The following HS3ST5 variants were observed in gnomAD, a reference collection of about 807,000 sequenced individuals.
The protein encoded by HS3ST5 is heparan sulfate-glucosamine 3-sulfotransferase 5, also known as heparan sulfate glucosamine 3-O-sulfotransferase 5.
Under a neutral mutation model 25.4 loss-of-function variants are expected in HS3ST5, and 10 were observed. The observed-to-expected ratio is 0.39, with a 90% CI of 0.24 to 0.67. The LOEUF is 0.67. Ranked by LOEUF, HS3ST5 falls within the 30% of genes least tolerant of loss-of-function variation. The probability of loss-of-function intolerance (pLI) is 0.44; values close to 1 mark genes in which losing one functional copy is unlikely to be tolerated. For missense variants in HS3ST5, 324 were observed against 420.7 expected (o/e 0.77, Z 2.01); for synonymous variants, 170 against 162.4 (o/e 1.05, Z -0.36).
At chr6:114,250,609 A>C (rs996494214) in intron 1 of HS3ST5, among the ~76,000 whole-genome samples, 3 of 152,178 alleles carry the variant, frequency 2.0e-5, no homozygotes, top group African/African-American at 7.2e-5. Context: ...TTATCAGAGA[A>C]AGTGAAGAAT....
rs1032486929 is a variant in HS3ST5 at position 114,056,684 on chromosome 6, A to G, written c.*573T>C. ...TGATTGACATGCTACAAGTGACACC[A>G]TGGTCCATACGAGAAAACAATAGTG... On this transcript the variant is annotated 3_prime_UTR_variant, in exon 5 of 5. Transcript: ENST00000312719. The G allele has an allele frequency of 6.6e-6, 1 of 152,486 alleles. No individual in the cohort carries two copies. Among genetic ancestry groups the G allele is most frequent in the African/African-American group, 2.4e-5 (1 of 41,460 alleles). The allele number at this position is 152,486 out of a possible 1,614,324, so 9.4% of individuals were successfully genotyped here.
Position 114,057,700 on chromosome 6 carries a change from T to G in HS3ST5, c.598A>C (p.Lys200Gln). 1.9e-6 allele frequency: 3 copies of G among 1,614,134 alleles called. No homozygotes were observed. Among genetic ancestry groups the G allele is most frequent in the Non-Finnish European group, 2.5e-6 (3 of 1,180,012 alleles). The change falls in exon 5 of 5, where the codon AAG becomes CAG. Residue 200 changes from lysine to glutamine, a missense_variant. Lys to Gln is a moderately conservative substitution (Grantham distance 53, BLOSUM62 1). Around this residue, in one of 2 missense-constraint regions of HS3ST5, gnomAD observed 203 missense variants for 303.4 expected, o/e 0.67. Transcript: ENST00000312719. ...TAATAAGTTTTGTTCTTCCTCTCCT[T>G]CCCCTCTAGCACCTGAGTATAATCA... Reference protein sequence around the residue: ...ISDYTQVLEGKERKNKTYYKF... With the variant: ...ISDYTQVLEGQERKNKTYYKF...
chr6:114,240,630 T>C (rs1295804495), intron 1 of HS3ST5, among the ~76,000 whole-genome samples: 5 of 152,186 alleles, frequency 3.3e-5, no homozygotes, highest in Non-Finnish European at 7.3e-5. Flanking sequence ...TAATTTAAAG[T>C]GTAAAAAAGC....
intron 2 of HS3ST5, among the ~76,000 whole-genome samples, chr6:114,191,934 T>G (rs2114306157): frequency 6.6e-6 from 1 of 152,202 alleles, no homozygotes; most frequent in Non-Finnish European, 1.5e-5. Context: ...CAAAGGTTGT[T>G]ACCTTGAATT....
intron 1 of HS3ST5, among the ~76,000 whole-genome samples, chr6:114,315,610 G>C (rs554390844): frequency 1.1e-4 from 16 of 152,270 alleles, no homozygotes; most frequent in Middle Eastern, 3.4e-3. Flanking sequence ...ACTGACTGAT[G>C]TTTTGTGACT....
At chr6:114,341,163 G>A (rs1562281287) in intron 1 of HS3ST5, among the ~76,000 whole-genome samples, 2 of 129,082 alleles carry the variant, frequency 1.5e-5, no homozygotes, top group African/African-American at 6.1e-5. Context: ...GGGAGAGAGG[G>A]GAGGGAGGGA....
intron 2 of HS3ST5, chr6:114,220,914 G>A (rs916981457): frequency 6.6e-6 from 1 of 151,840 alleles, no homozygotes; most frequent in Non-Finnish European, 1.5e-5. Flanking sequence ...GCAAAGATAT[G>A]GTCAATTCTC....
Position 114,134,383 on chromosome 6 carries a change from C to T in HS3ST5, c.-33+33968G>A, listed in dbSNP as rs140972438. ...CAAGGTCTGACCCAAGGTTCTAACA[C>T]TTAGCCATCTATTTTCCTCTCCTCT... On this transcript the variant is annotated intron_variant, in intron 3 of 4. Transcript: ENST00000312719. Among the ~76,000 whole-genome samples the T allele has an allele frequency of 8.1e-4, 123 of 152,300 alleles. 1 individual carries two copies. The highest frequency in any genetic ancestry group is 2.9e-3 in the African/African-American group (122 of 41,570).
chr6:114,255,220 C>A (rs770687592), intron 1 of HS3ST5, among the ~76,000 whole-genome samples: 41 of 152,196 alleles, frequency 2.7e-4, no homozygotes, highest in Non-Finnish European at 4.3e-4. Context: ...TCCAATAGGG[C>A]AGTCAAATCT....
chr6:114,225,978 C>T (rs1771256557), intron 2 of HS3ST5, among the ~76,000 whole-genome samples: 1 of 151,834 alleles, frequency 6.6e-6, no homozygotes, highest in African/African-American at 2.4e-5. Flanking sequence ...CCTAAAAACC[C>T]ATTAACAAAT....
chr6:114,106,553 G>T (rs1400677058), intron 3 of HS3ST5, among the ~76,000 whole-genome samples: 1 of 152,012 alleles, frequency 6.6e-6, no homozygotes, highest in Non-Finnish European at 1.5e-5. Context: ...CAACTTTTAT[G>T]CAGTACATGA....
intron 3 of HS3ST5, among the ~76,000 whole-genome samples, chr6:114,133,315 G>A (rs1333599946): frequency 1.3e-5 from 2 of 152,218 alleles, no homozygotes; most frequent in Non-Finnish European, 2.9e-5. Flanking sequence ...GAACCTGAGA[G>A]TTTCTCTAGC....
intron 3 of HS3ST5, among the ~76,000 whole-genome samples, chr6:114,164,213 A>G (rs1264853094): frequency 6.6e-6 from 1 of 152,180 alleles, no homozygotes; most frequent in Non-Finnish European, 1.5e-5. Flanking sequence ...CCTATAAATA[A>G]TATTTGTATA....
At chr6:114,146,979 GAGC>G (rs1778200378) in intron 3 of HS3ST5, among the ~76,000 whole-genome samples, 1 of 152,174 alleles carries the variant, frequency 6.6e-6, no homozygotes, top group Non-Finnish European at 1.5e-5. Flanking sequence ...TGAATACACT[GAGC>G]AGCAGGCTTT....
chr6:114,258,707 A>G (rs147144865), intron 1 of HS3ST5, among the ~76,000 whole-genome samples: 2 of 152,116 alleles, frequency 1.3e-5, no homozygotes, highest in African/African-American at 4.8e-5. Context: ...TTTTCTCCCA[A>G]TTTAAAAACT....
chr6:114,124,520 A>G (rs887780668), intron 3 of HS3ST5, among the ~76,000 whole-genome samples: 2 of 152,140 alleles, frequency 1.3e-5, no homozygotes, highest in Non-Finnish European at 1.5e-5. Flanking sequence ...TTTTGCCTAT[A>G]TCAAACAGAC....
intron 1 of HS3ST5, among the ~76,000 whole-genome samples, chr6:114,254,292 G>C (rs1232301258): frequency 1.3e-5 from 2 of 152,164 alleles, no homozygotes; most frequent in African/African-American, 2.4e-5. Context: ...TGGCCATCCT[G>C]GCAGGTTCAA....
At chr6:114,291,731 T>C (rs785129) in intron 1 of HS3ST5, among the ~76,000 whole-genome samples, 101,641 of 152,108 alleles carry the variant, frequency 0.67, 34,587 homozygotes, top group African/African-American at 0.77. Context: ...TCAGCTCCTC[T>C]TCATTCAGCA....
intron 1 of HS3ST5, among the ~76,000 whole-genome samples, chr6:114,291,991 A>T (rs1441122756): frequency 6.6e-6 from 1 of 152,234 alleles, no homozygotes; most frequent in Admixed American, 6.5e-5. Context: ...GGACATAGAC[A>T]GGAAAACTAG....
Sources: gnomAD v4.1 joint callset for allele counts (sites outside exome capture counted in the v4.1 genomes callset) on GRCh38, gnomAD v4.1.1 for gene constraint, gnomAD v4.1.1 regional missense constraint, MANE v1.5 for transcripts, NCBI Gene and HGNC (gene_info 2026-07-23, HGNC 2026-07-21) for gene names.